IL1R2: variants seen among roughly 807,000 people sequenced by gnomAD.
The protein encoded by IL1R2 is interleukin 1 receptor type 2.
IL1R2 carries 46 observed loss-of-function variants against 39.5 expected under a neutral mutation model. The ratio of observed to expected loss-of-function variants is 1.16; its 90% CI spans 0.92 to 1.49. The LOEUF is 1.49. Among genes scored for constraint, IL1R2 ranks in the 40% most tolerant of loss-of-function variants. The pLI, the probability that IL1R2 is intolerant of heterozygous loss-of-function variation, is 0.00. For missense variants in IL1R2, 537 were observed against 502.0 expected (o/e 1.07, Z -0.67); for synonymous variants, 207 against 189.6 (o/e 1.09, Z -0.75).
intron 3 of IL1R2, among the ~76,000 whole-genome samples, chr2:102,015,165 C>T (rs910760094): frequency 6.0e-4 from 92 of 152,098 alleles, no homozygotes; most frequent in African/African-American, 2.1e-3. Flanking sequence ...ACAATCTCTG[C>T]ATGTGGATAT....
chr2:101,995,430 T>G (rs2150416640), intron 1 of IL1R2, among the ~76,000 whole-genome samples: 1 of 152,146 alleles, frequency 6.6e-6, no homozygotes, highest in South Asian at 2.1e-4. Flanking sequence ...AGTCCTGCAG[T>G]CATAATAGCC....
intron 7 of IL1R2, among the ~76,000 whole-genome samples, chr2:102,025,577 G>T (rs1369977856): frequency 2.0e-5 from 3 of 152,202 alleles, no homozygotes; most frequent in African/African-American, 7.2e-5. Flanking sequence ...TAGTAGTGAG[G>T]TGTCTACAGA....
chr2:102,016,071 C>A lies in IL1R2; in HGVS notation c.513+20C>A. 6.4e-7 allele frequency: 1 copy of A among 1,573,752 alleles called. No individual in the cohort carries two copies. Among genetic ancestry groups the A allele is most frequent in the Non-Finnish European group, 8.7e-7 (1 of 1,155,712 alleles). ...TACAAGGTACGGCTTTAAAAAATGCCATTTTACTAAAATGTGTTTTCTTTT... is the reference window on the plus strand; with the variant it reads ...TACAAGGTACGGCTTTAAAAAATGCAATTTTACTAAAATGTGTTTTCTTTT... On this transcript the variant is annotated intron_variant, in intron 4 of 8. Transcript: ENST00000332549.
chr2:102,009,878 T>A lies in IL1R2; in HGVS notation c.332+52T>A, dbSNP rs1251426768. On this transcript the variant is annotated intron_variant, in intron 3 of 8. Coordinates refer to ENST00000332549, the MANE Select transcript of IL1R2 (RefSeq NM_004633.4). The stretch of plus-strand genomic sequence containing the variant: ...AGGGGATCCTGGCAGGATGGAGGCT[T>A]GTGAGGGTCTTCAGTCATGATCCGG... 3.2e-6 allele frequency: 5 copies of A among 1,581,116 alleles called. No homozygotes were observed. The South Asian group carries it at 3.4e-5, about 11-fold the overall frequency.
chr2:102,000,383 T>C (rs1212335821), intron 1 of IL1R2, among the ~76,000 whole-genome samples: 1 of 152,198 alleles, frequency 6.6e-6, no homozygotes, highest in Non-Finnish European at 1.5e-5. Context: ...TTCCCACTTC[T>C]CTGTCCAGGT....
At chr2:101,998,398 C>T (rs1032914794) in intron 1 of IL1R2, among the ~76,000 whole-genome samples, 2 of 152,208 alleles carry the variant, frequency 1.3e-5, no homozygotes, top group Non-Finnish European at 2.9e-5. Context: ...TTCTCCTAGC[C>T]TTCTCCCTCT....
rs756986471 is a variant in IL1R2 at position 102,024,648 on chromosome 2, C to T, written c.867C>T (p.Arg289=). ...THIESAYPGG[R]VTEGPRQEYS... Reference sequence around the variant, plus strand: ...TAGAGAGCGCCTACCCGGGAGGCCGCGTGACCGAGGGGCCACGCCAGTAAG... The same window carrying T: ...TAGAGAGCGCCTACCCGGGAGGCCGTGTGACCGAGGGGCCACGCCAGTAAG... The change falls in exon 7 of 9, where the codon CGC becomes CGT. Residue 289 remains arginine, a synonymous_variant. Transcript: ENST00000332549. 3.7e-6 allele frequency: 6 copies of T among 1,614,062 alleles called. No individual in the cohort carries two copies. Among genetic ancestry groups the T allele is most frequent in the Non-Finnish European group, 4.2e-6 (5 of 1,179,952 alleles).
chr2:102,006,660 A>G (rs1157552249), intron 1 of IL1R2, among the ~76,000 whole-genome samples: 2 of 152,208 alleles, frequency 1.3e-5, no homozygotes, highest in East Asian at 1.9e-4. Flanking sequence ...GCTTTTAGTC[A>G]TAAGTATTCC....
intron 1 of IL1R2, among the ~76,000 whole-genome samples, chr2:102,004,862 C>T (rs918816160): frequency 6.6e-6 from 1 of 152,156 alleles, no homozygotes; most frequent in Admixed American, 6.5e-5. Flanking sequence ...TTGCTCAAGT[C>T]CAGGGAGAGA....
chr2:102,014,221 T>C (rs1404625768), intron 3 of IL1R2, among the ~76,000 whole-genome samples: 2 of 152,212 alleles, frequency 1.3e-5, no homozygotes, highest in Admixed American at 6.5e-5. Flanking sequence ...CCATTTTGGT[T>C]TGACCTCTTT....
intron 1 of IL1R2, among the ~76,000 whole-genome samples, chr2:102,006,730 A>G (rs1676285914): frequency 6.6e-6 from 1 of 152,220 alleles, no homozygotes; most frequent in African/African-American, 2.4e-5. Context: ...CTCTGCCCCA[A>G]GGTTGTCACC....
chr2:101,995,863 G>T (rs1357341699), intron 1 of IL1R2, among the ~76,000 whole-genome samples: 1 of 152,204 alleles, frequency 6.6e-6, no homozygotes, highest in Non-Finnish European at 1.5e-5. Context: ...AAGTGCCGGA[G>T]GGTGGAGATT....
At chr2:102,005,205 G>T (rs745803195) in intron 1 of IL1R2, among the ~76,000 whole-genome samples, 1 of 152,094 alleles carries the variant, frequency 6.6e-6, no homozygotes, top group Non-Finnish European at 1.5e-5. Context: ...CATAATTCCC[G>T]TAAGCCTGAC....
chr2:102,013,460 G>C (rs1015707141), intron 3 of IL1R2, among the ~76,000 whole-genome samples: 1 of 128,306 alleles, frequency 7.8e-6, no homozygotes. Flanking sequence ...CAAGATTTGA[G>C]CAGTAGCTGC....
intron 6 of IL1R2, among the ~76,000 whole-genome samples, chr2:102,024,048 C>CAAAAAAAAAAAAAA (rs767273520): frequency 7.1e-6 from 1 of 139,896 alleles, no homozygotes; most frequent in African/African-American, 2.9e-5. Flanking sequence ...GACTCCATCT[C>CAAAAAAAAAAAAAA]AAAAACAAAA....
chr2:101,992,174 A>AC (rs1559407042), intron 1 of IL1R2, 163 bp downstream of exon 1: 14 of 151,966 alleles, frequency 9.2e-5, no homozygotes, highest in African/African-American at 2.9e-4. Flanking sequence ...AGGCAGAGAG[A>AC]AGAGAGAGAG....
In IL1R2 at chr2:102,026,176, A is replaced by G. The variant is rs778229564; in HGVS notation, c.953A>G (p.Glu318Gly). Residue 318 changes from glutamate to glycine, a missense_variant, in exon 8 of 9, where the codon GAG (glutamate) becomes GGG (glycine). Glu to Gly is a moderately conservative substitution (Grantham distance 98, BLOSUM62 -2). Transcript: ENST00000332549. The stretch of plus-strand genomic sequence containing the variant: ...TTGATTTTTGATCCTGTCACAAGAG[A>G]GGATTTGCACATGGATTTTAAATGT... ...VPLIFDPVTR[E>G]DLHMDFKCVV... 1 of 1,612,242 alleles carries G rather than the reference A, an allele frequency of 6.2e-7. No homozygotes were observed. The highest frequency in any genetic ancestry group is 8.5e-7 in the Non-Finnish European group (1 of 1,178,354).
chr2:101,996,094 G>A (rs1365694391), intron 1 of IL1R2, among the ~76,000 whole-genome samples: 2 of 151,766 alleles, frequency 1.3e-5, no homozygotes, highest in Non-Finnish European at 2.9e-5. Context: ...TCTCAGTCAC[G>A]TGCCCCGCCC....
intron 4 of IL1R2, among the ~76,000 whole-genome samples, chr2:102,019,165 T>C (rs1677198019): frequency 6.6e-6 from 1 of 152,176 alleles, no homozygotes; most frequent in Non-Finnish European, 1.5e-5. Context: ...ATTTAGTTTT[T>C]CTTATAACAG....
Sources: gnomAD v4.1 joint callset for allele counts (sites outside exome capture counted in the v4.1 genomes callset) on GRCh38, gnomAD v4.1.1 for gene constraint, MANE v1.5 for transcripts, NCBI Gene and HGNC (gene_info 2026-07-23, HGNC 2026-07-21) for gene names.